Variants in WNT2 observed in about 807,000 individuals in gnomAD.
The protein encoded by WNT2 is Wnt family member 2, also known as protein Wnt-2.
A neutral mutation model predicts 36.9 loss-of-function variants in WNT2; 12 were observed. The observed-to-expected ratio is 0.33, with a 90% CI of 0.21 to 0.53. WNT2 has a LOEUF of 0.53. Ranked by LOEUF, WNT2 falls within the 20% of genes least tolerant of loss-of-function variation. The probability of loss-of-function intolerance (pLI) is 0.95; values close to 1 mark genes in which losing one functional copy is unlikely to be tolerated. For missense variants in WNT2, 379 were observed against 473.1 expected (o/e 0.80, Z 1.84); for synonymous variants, 163 against 174.6 (o/e 0.93, Z 0.52).
At chr7:117,303,249 G>C (rs930248743) in intron 3 of WNT2, among the ~76,000 whole-genome samples, 2 of 152,186 alleles carry the variant, frequency 1.3e-5, no homozygotes, top group Non-Finnish European at 2.9e-5. Context: ...GCCTATGGAG[G>C]GTTACAGCGG....
chr7:117,283,329 C>T (rs1036108545), intron 4 of WNT2, among the ~76,000 whole-genome samples: 33 of 152,310 alleles, frequency 2.2e-4, no homozygotes, highest in Middle Eastern at 3.4e-3. Flanking sequence ...TGTTCACATG[C>T]GCTGAGCAGC....
chr7:117,321,791 G>T (rs940502806), intron 1 of WNT2, among the ~76,000 whole-genome samples: 2 of 152,182 alleles, frequency 1.3e-5, no homozygotes, highest in Non-Finnish European at 2.9e-5. Context: ...TTGAAAAATG[G>T]TCAGTCTGAT....
In WNT2 at chr7:117,284,806, G is replaced by A. The variant is rs1259001913; in HGVS notation, c.854-6422C>T. On this transcript the variant is annotated intron_variant, in intron 4 of 4. Coordinates refer to ENST00000265441, the MANE Select transcript of WNT2 (RefSeq NM_003391.3). This position sits in a 1 kb window ranked among gnomAD's most constrained non-coding sequence, Gnocchi z 5.2. ...TTAATTCTCATAAGCTTATAAGGAA[G>A]GTACTATTATTATCACCATTTTGGA... Among the ~76,000 whole-genome samples, 1 of 152,194 alleles carries A rather than the reference G, an allele frequency of 6.6e-6. No homozygotes were observed. The highest frequency in any genetic ancestry group is 1.9e-4 in the East Asian group (1 of 5,198).
At chr7:117,290,616 C>A (rs1448025437) in intron 4 of WNT2, among the ~76,000 whole-genome samples, 1 of 152,212 alleles carries the variant, frequency 6.6e-6, no homozygotes, top group Non-Finnish European at 1.5e-5. Flanking sequence ...TTATTCTTTA[C>A]CTTGTCAAAA....
At chr7:117,314,881 G>T (rs1029974224) in intron 3 of WNT2, among the ~76,000 whole-genome samples, 190 bp downstream of exon 3, 1 of 152,318 alleles carries the variant, frequency 6.6e-6, no homozygotes, top group African/African-American at 2.4e-5. Flanking sequence ...GAAGGAAGGT[G>T]GAGTGTGGGT....
intron 3 of WNT2, among the ~76,000 whole-genome samples, chr7:117,314,072 T>G (rs1323962258): frequency 6.6e-6 from 1 of 152,222 alleles, no homozygotes; most frequent in Non-Finnish European, 1.5e-5. Flanking sequence ...TTATCTTTCT[T>G]TATATATTAA....
In WNT2 at chr7:117,322,670, C is replaced by T. The variant is rs186624690; in HGVS notation, c.83+237G>A. Among the ~76,000 whole-genome samples, 2 of 152,170 alleles carry T rather than the reference C, an allele frequency of 1.3e-5. No individual in the cohort carries two copies. The highest frequency in any genetic ancestry group is 4.8e-5 in the African/African-American group (2 of 41,506). Reference sequence around the variant, plus strand: ...CTCAGCTGGATCCAAATAAACCAAACATCGGAGCTCTCATTTGAGGGGGAA... The same window carrying T: ...CTCAGCTGGATCCAAATAAACCAAATATCGGAGCTCTCATTTGAGGGGGAA... On this transcript the variant is annotated intron_variant, in intron 1 of 4. Coordinates refer to ENST00000265441, the MANE Select transcript of WNT2 (RefSeq NM_003391.3). The surrounding 1 kb of genome is among the most constrained non-coding windows in gnomAD (Gnocchi z 5.4).
intron 3 of WNT2, among the ~76,000 whole-genome samples, chr7:117,308,051 C>T (rs1795045587): frequency 6.6e-6 from 1 of 152,172 alleles, no homozygotes; most frequent in African/African-American, 2.4e-5. Context: ...ATTTAATTTT[C>T]ACCTGCTGGC....
intron 4 of WNT2, among the ~76,000 whole-genome samples, chr7:117,289,153 A>C (rs1238062930): frequency 1.5e-5 from 2 of 133,876 alleles, no homozygotes; most frequent in African/African-American, 5.7e-5. Context: ...TCTGCCTCCC[A>C]GGTTCACGCT....
intron 4 of WNT2, among the ~76,000 whole-genome samples, chr7:117,287,324 G>A (rs943825216): frequency 1.3e-5 from 2 of 152,140 alleles, no homozygotes; most frequent in Non-Finnish European, 2.9e-5. Context: ...CAGCCTGGGC[G>A]ACAGAGCGAG....
chr7:117,290,276 C>T (rs1667063256), intron 4 of WNT2, among the ~76,000 whole-genome samples: 2 of 152,050 alleles, frequency 1.3e-5, no homozygotes, highest in Non-Finnish European at 2.9e-5. Context: ...GAAGGAGAAA[C>T]TAGCAACTGA....
intron 1 of WNT2, among the ~76,000 whole-genome samples, chr7:117,321,397 CT>C (rs1795323646): frequency 6.6e-6 from 1 of 152,040 alleles, no homozygotes; most frequent in South Asian, 2.1e-4. Flanking sequence ...TATAAAGATC[CT>C]TTGGAAAAAA....
intron 3 of WNT2, among the ~76,000 whole-genome samples, chr7:117,311,054 C>A (rs1795111668): frequency 6.6e-6 from 1 of 152,142 alleles, no homozygotes; most frequent in South Asian, 2.1e-4. Context: ...AACTGTTGAA[C>A]CAAAGTTAGT....
chr7:117,314,134 C>G (rs922996806), intron 3 of WNT2, among the ~76,000 whole-genome samples: 8 of 152,208 alleles, frequency 5.3e-5, no homozygotes, highest in African/African-American at 1.9e-4. Context: ...ATCGTTACCT[C>G]TTCCTATTGG....
At chr7:117,308,022 C>T (rs1306635285) in intron 3 of WNT2, among the ~76,000 whole-genome samples, 2 of 152,182 alleles carry the variant, frequency 1.3e-5, no homozygotes, top group African/African-American at 4.8e-5. Flanking sequence ...CTGAGGGAAA[C>T]TCTCATTAAA....
chr7:117,281,419 G>C (rs952027319), intron 4 of WNT2, among the ~76,000 whole-genome samples: 1 of 151,990 alleles, frequency 6.6e-6, no homozygotes, highest in Non-Finnish European at 1.5e-5. Flanking sequence ...TGTATCTTCT[G>C]TGGAGACAGG....
intron 3 of WNT2, among the ~76,000 whole-genome samples, chr7:117,309,524 TG>T (rs1795082182): frequency 6.6e-6 from 1 of 152,236 alleles, no homozygotes; most frequent in South Asian, 2.1e-4. Context: ...TCAATTTATT[TG>T]CTGATTCTGG....
At chr7:117,310,941 A>T (rs1314493800) in intron 3 of WNT2, among the ~76,000 whole-genome samples, 1 of 152,198 alleles carries the variant, frequency 6.6e-6, no homozygotes, top group East Asian at 1.9e-4. Flanking sequence ...CTCCTTGACT[A>T]AAATTTAGTT....
chr7:117,314,417 G>A (rs985011684), intron 3 of WNT2, among the ~76,000 whole-genome samples: 4 of 152,192 alleles, frequency 2.6e-5, no homozygotes, highest in African/African-American at 7.2e-5. Flanking sequence ...GAGGGCTTCA[G>A]TTTCCTCATT....
Sources: allele counts gnomAD v4.1 joint callset (sites outside exome capture counted in the v4.1 genomes callset), GRCh38; gene constraint gnomAD v4.1.1; non-coding constraint Gnocchi (gnomAD v3.1); transcripts MANE v1.5; gene names NCBI Gene and HGNC (gene_info 2026-07-23, HGNC 2026-07-21).